FRY: variants seen among roughly 807,000 people sequenced by gnomAD.
The protein encoded by FRY is protein furry homolog.
In FRY, 128 loss-of-function variants were observed where a neutral mutation model predicts 348.4. That is an observed-to-expected ratio of 0.37 (90% CI 0.32 to 0.43). The LOEUF (loss-of-function observed/expected upper bound fraction) is 0.43. FRY is among the 20% of genes least tolerant of loss of function. The probability of loss-of-function intolerance (pLI) is 1.00; values close to 1 mark genes in which losing one functional copy is unlikely to be tolerated. For synonymous variants in FRY, 1,370 were observed against 1,374.7 expected (o/e 1.00, Z 0.08); for missense variants, 2,736 against 3,695.2 (o/e 0.74, Z 6.73).
intron 2 of FRY, among the ~76,000 whole-genome samples, chr13:32,099,649 T>C (rs1877019168): frequency 6.6e-6 from 1 of 152,062 alleles, no homozygotes; most frequent in South Asian, 2.1e-4. Flanking sequence ...CAAATCCTTC[T>C]ACCAGATATG....
chr13:32,231,525 C>T (rs140990514), intron 41 of FRY, among the ~76,000 whole-genome samples: 115 of 152,316 alleles, frequency 7.6e-4, no homozygotes, highest in African/African-American at 2.5e-3. Context: ...TCCCAACATA[C>T]TTGTTCTACT....
chr13:32,106,814 A>C (rs1210618322), intron 3 of FRY, among the ~76,000 whole-genome samples: 1 of 152,224 alleles, frequency 6.6e-6, no homozygotes, highest in East Asian at 1.9e-4. Flanking sequence ...ATTGGGTAAC[A>C]GCTAGATGTA....
intron 17 of FRY, among the ~76,000 whole-genome samples, chr13:32,167,847 A>G (rs1336338799): frequency 2.6e-5 from 4 of 152,228 alleles, no homozygotes; most frequent in Admixed American, 2.0e-4. Context: ...AGTGCTTTTC[A>G]TAAACTAGTG....
intron 36 of FRY, among the ~76,000 whole-genome samples, chr13:32,223,985 C>T (rs983842609): frequency 6.6e-5 from 10 of 152,078 alleles, no homozygotes; most frequent in Non-Finnish European, 1.5e-4. Flanking sequence ...GATCCACCCA[C>T]CTCAGCCTCC....
chr13:32,173,975 G>A lies in FRY; in HGVS notation c.2334+426G>A, dbSNP rs538355423. On this transcript the variant is annotated intron_variant, in intron 19 of 60. Transcript: ENST00000542859. ...TGAAAGATGTTTAATCTTGATGATGGTAGAAAATGGCATCACAAAAAACAC... is the reference window on the plus strand; with the variant it reads ...TGAAAGATGTTTAATCTTGATGATGATAGAAAATGGCATCACAAAAAACAC... Among the ~76,000 whole-genome samples, 7 of 152,328 alleles carry A rather than the reference G, an allele frequency of 4.6e-5. No homozygotes were observed. The South Asian group carries it at 1.4e-3, about 32-fold the overall frequency.
intron 51 of FRY, chr13:32,258,013 G>A (rs769971681): frequency 2.0e-5 from 30 of 1,505,870 alleles, no homozygotes; most frequent in Middle Eastern, 3.4e-4. Flanking sequence ...GCTAGTAGAT[G>A]TTTTGCATCT....
intron 54 of FRY, among the ~76,000 whole-genome samples, chr13:32,266,064 G>GAA (rs5802641): frequency 2.7e-5 from 4 of 147,322 alleles, no homozygotes; most frequent in South Asian, 2.1e-4. Flanking sequence ...TATAGAAACA[G>GAA]AAAAAAAAAA....
chr13:32,186,551 CA>C (rs1293421735), intron 27 of FRY, 131 bp downstream of exon 27: 6 of 698,448 alleles, frequency 8.6e-6, no homozygotes, highest in African/African-American at 3.6e-5. Flanking sequence ...AGCGCACATA[CA>C]AAAAAATCAC....
intron 46 of FRY, among the ~76,000 whole-genome samples, chr13:32,243,693 CAT>C (rs1252233438): frequency 6.6e-6 from 1 of 152,268 alleles, no homozygotes; most frequent in East Asian, 1.9e-4. Context: ...AATATTTCCT[CAT>C]GTGAATTTTA....
intron 47 of FRY, 84 bp from the exon 48 acceptor site, chr13:32,247,229 GACTGGTCACT>G (rs1566165841): frequency 1.7e-5 from 17 of 1,010,462 alleles, no homozygotes; most frequent in Non-Finnish European, 2.5e-5. Flanking sequence ...AGTGAATTCT[GACTGGTCACT>G]AGCTTCTCAC....
In FRY at chr13:32,282,132, A is replaced by G. The variant is rs1888839707; in HGVS notation, c.8469+3584A>G. On this transcript the variant is annotated intron_variant, in intron 58 of 60. Transcript: ENST00000542859. ...TTATATCTAGAGATGTGGAGATATAATTTTGCTGACTAGAGCTACCATTTG... is the reference window on the plus strand; with the variant it reads ...TTATATCTAGAGATGTGGAGATATAGTTTTGCTGACTAGAGCTACCATTTG... Among the ~76,000 whole-genome samples, 4 of 152,188 alleles carry G rather than the reference A, an allele frequency of 2.6e-5. No individual in the cohort carries two copies. In the South Asian group the frequency reaches 8.3e-4, roughly 32 times the overall value.
intron 2 of FRY, among the ~76,000 whole-genome samples, chr13:32,094,834 T>C (rs1236473371): frequency 6.6e-6 from 1 of 152,214 alleles, no homozygotes; most frequent in Non-Finnish European, 1.5e-5. Flanking sequence ...AGTGCAGATA[T>C]CTTTTCCAAA....
At chr13:32,176,613 G>A (rs1882373945) in intron 20 of FRY, among the ~76,000 whole-genome samples, 1 of 152,144 alleles carries the variant, frequency 6.6e-6, no homozygotes, top group Admixed American at 6.5e-5. Flanking sequence ...ATTTCAAATT[G>A]TTCTGACATG....
intron 33 of FRY, among the ~76,000 whole-genome samples, chr13:32,210,283 G>A (rs1367333492): frequency 6.6e-6 from 1 of 152,166 alleles, no homozygotes; most frequent in East Asian, 1.9e-4. Flanking sequence ...AACTCAATTG[G>A]CATTTCTGTG....
Position 32,274,971 on chromosome 13 carries a change from C to A in FRY, c.8266C>A (p.Leu2756Ile). ...CACCTCCTGCTCTGAATGTCCTACACTTTTTGTGGATGCCGAGACTGTGAG... is the reference window on the plus strand; with the variant it reads ...CACCTCCTGCTCTGAATGTCCTACAATTTTTGTGGATGCCGAGACTGTGAG... ...MLTSCSECPT[L>I]FVDAETLLSC... is the part of the protein sequence containing the mutation. The change falls in exon 56 of 61, where the codon CTT becomes ATT. Residue 2756 changes from leucine to isoleucine, a missense_variant. Leu to Ile is a conservative substitution (Grantham distance 5). Coordinates refer to ENST00000542859, the MANE Select transcript of FRY (RefSeq NM_023037.3). 1 of 1,613,876 alleles carries A rather than the reference C, an allele frequency of 6.2e-7. No homozygotes were observed. Among genetic ancestry groups the A allele is most frequent in the Non-Finnish European group, 8.5e-7 (1 of 1,179,860 alleles).
intron 4 of FRY, among the ~76,000 whole-genome samples, chr13:32,121,598 T>A (rs61602973): frequency 6.6e-6 from 1 of 152,172 alleles, no homozygotes; most frequent in African/African-American, 2.4e-5. Context: ...AATTGTCTAC[T>A]CATGACCTTA....
intron 32 of FRY, 47 bp from the exon 33 acceptor site, chr13:32,209,538 C>A: frequency 6.2e-7 from 1 of 1,600,026 alleles, no homozygotes. Context: ...CTTTTGCGTC[C>A]TTACAGTTTT....
chr13:32,178,254 T>C lies in FRY; in HGVS notation c.2499T>C (p.Tyr833=), dbSNP rs1370676340. The C allele has an allele frequency of 1.2e-6, 2 of 1,614,204 alleles. No individual in the cohort carries two copies. The highest frequency in any genetic ancestry group is 8.5e-7 in the Non-Finnish European group (1 of 1,180,004). ...ACGCAGTCCTGGTCAATAGCCATTA[T>C]GATGTGAAAAGCCCTTCCCATGTCT... ...EWNAVLVNSH[Y]DVKSPSHVWI... is the part of the protein sequence containing the mutation. The change falls in exon 21 of 61, where the codon TAT becomes TAC. Residue 833 remains tyrosine (Y), a synonymous_variant. Coordinates refer to ENST00000542859, the MANE Select transcript of FRY (RefSeq NM_023037.3).
At chr13:32,240,950 A>T in intron 46 of FRY, among the ~76,000 whole-genome samples, 1 of 152,200 alleles carries the variant, frequency 6.6e-6, no homozygotes, top group African/African-American at 2.4e-5. Flanking sequence ...ATCGTGCAGG[A>T]TTTTGACTTG....
Sources: gnomAD v4.1 joint callset for allele counts (sites outside exome capture counted in the v4.1 genomes callset) on GRCh38, gnomAD v4.1.1 for gene constraint, MANE v1.5 for transcripts, NCBI Gene and HGNC (gene_info 2026-07-23, HGNC 2026-07-21) for gene names.